AGBL4: variants seen among roughly 807,000 people sequenced by gnomAD.
AGBL4 encodes the protein cytosolic carboxypeptidase 6.
Under a neutral mutation model 66.4 loss-of-function variants are expected in AGBL4, and 58 were observed. That is an observed-to-expected ratio of 0.87 (90% CI 0.71 to 1.09). AGBL4 has a LOEUF of 1.09. Among genes scored for constraint, AGBL4 ranks in the 50% least tolerant of loss-of-function variants. AGBL4 has a pLI of 0.00. For missense variants in AGBL4, 579 were observed against 631.0 expected, an observed-to-expected ratio of 0.92 and a Z score of 0.88; for synonymous variants, 234 against 222.9, an observed-to-expected ratio of 1.05 and a Z score of -0.44.
chr1:48,683,801 T>C (rs565596919), intron 6 of AGBL4, among the ~76,000 whole-genome samples: 3 of 152,278 alleles, frequency 2.0e-5, no homozygotes, highest in African/African-American at 7.2e-5. Flanking sequence ...AGCTCTGTAA[T>C]TACCTACCAG....
At chr1:49,283,761 G>C (rs1644337605) in intron 3 of AGBL4, among the ~76,000 whole-genome samples, 1 of 148,500 alleles carries the variant, frequency 6.7e-6, no homozygotes, top group South Asian at 2.2e-4. Flanking sequence ...CTGGAAGAAA[G>C]GGTATCAGCA....
intron 1 of AGBL4, among the ~76,000 whole-genome samples, chr1:49,874,215 G>C (rs990258942): frequency 1.3e-5 from 2 of 152,104 alleles, no homozygotes; most frequent in Non-Finnish European, 2.9e-5. Context: ...ACTTGAAATT[G>C]ATCATAGACC....
At chr1:49,622,229 CA>C (rs1355137923) in intron 3 of AGBL4, among the ~76,000 whole-genome samples, 1 of 152,166 alleles carries the variant, frequency 6.6e-6, no homozygotes, top group Non-Finnish European at 1.5e-5. Context: ...ATCAAAAAAA[CA>C]TAGGTTTCAG....
At chr1:49,739,732 A>C (rs1428834130) in intron 2 of AGBL4, among the ~76,000 whole-genome samples, 1 of 152,216 alleles carries the variant, frequency 6.6e-6, no homozygotes, top group African/African-American at 2.4e-5. Context: ...GCCAGAAGAG[A>C]GTGGGGGCCA....
At chr1:48,812,958 T>G in intron 6 of AGBL4, among the ~76,000 whole-genome samples, 3 of 148,502 alleles carry the variant, frequency 2.0e-5, no homozygotes, top group Admixed American at 6.7e-5. Flanking sequence ...TGGGGACTGT[T>G]GTGGGGTGGG....
At chr1:48,808,847 G>A (rs150777639) in intron 6 of AGBL4, among the ~76,000 whole-genome samples, 109 of 152,298 alleles carry the variant, frequency 7.2e-4, no homozygotes, top group Admixed American at 1.2e-3. Flanking sequence ...ATAAAGATGA[G>A]GTGAGGACTA....
intron 5 of AGBL4, among the ~76,000 whole-genome samples, chr1:48,989,796 T>C (rs1660468186): frequency 6.6e-6 from 1 of 152,224 alleles, no homozygotes; most frequent in Admixed American, 6.5e-5. Flanking sequence ...CTTAGGTTGC[T>C]TCCAGATCTT....
chr1:49,099,133 T>A (rs982144360), intron 4 of AGBL4, among the ~76,000 whole-genome samples: 1 of 152,122 alleles, frequency 6.6e-6, no homozygotes, highest in Non-Finnish European at 1.5e-5. Context: ...CTGATGCTTC[T>A]CCACTATCCC....
chr1:48,872,326 C>G (rs1648751937), intron 5 of AGBL4, among the ~76,000 whole-genome samples: 1 of 151,988 alleles, frequency 6.6e-6, no homozygotes, highest in Non-Finnish European at 1.5e-5. Flanking sequence ...ATTTTTCATC[C>G]CAGGCTGCAT....
At chr1:48,579,930 A>AG (rs1553190251) in intron 11 of AGBL4, among the ~76,000 whole-genome samples, 70 of 150,516 alleles carry the variant, frequency 4.7e-4, no homozygotes, top group African/African-American at 1.3e-3. Context: ...AAAAAAAAAA[A>AG]AAAAAAAGAA....
intron 4 of AGBL4, among the ~76,000 whole-genome samples, chr1:49,208,344 G>C (rs1648403904): frequency 6.6e-6 from 1 of 151,810 alleles, no homozygotes; most frequent in African/African-American, 2.4e-5. Context: ...TATTCTCCTT[G>C]TAGGTGACCT....
intron 1 of AGBL4, among the ~76,000 whole-genome samples, chr1:49,879,656 G>A (rs912157022): frequency 4.2e-5 from 6 of 144,104 alleles, no homozygotes; most frequent in Middle Eastern, 3.4e-3. Flanking sequence ...TGCTCTTCTC[G>A]AGGAGTATCT....
At chr1:49,169,171 A>G (rs1402419247) in intron 4 of AGBL4, among the ~76,000 whole-genome samples, 2 of 152,212 alleles carry the variant, frequency 1.3e-5, no homozygotes, top group African/African-American at 2.4e-5. Flanking sequence ...TAGCAAAGCC[A>G]TATAAGAGAA....
intron 9 of AGBL4, among the ~76,000 whole-genome samples, chr1:48,628,502 G>C (rs1209680609): frequency 6.6e-6 from 1 of 152,062 alleles, no homozygotes; most frequent in African/African-American, 2.4e-5. Flanking sequence ...GTGGGCCTGA[G>C]ACCTTGATTT....
chr1:49,804,177 C>CA (rs531506649), intron 2 of AGBL4, among the ~76,000 whole-genome samples: 104 of 152,220 alleles, frequency 6.8e-4, no homozygotes, highest in African/African-American at 1.8e-3. Context: ...TCTTCTCTCA[C>CA]AAAAAAACTA....
At chr1:48,973,321 T>C (rs1358145105) in intron 5 of AGBL4, among the ~76,000 whole-genome samples, 1 of 152,188 alleles carries the variant, frequency 6.6e-6, no homozygotes, top group Non-Finnish European at 1.5e-5. Flanking sequence ...ACTGTGTACA[T>C]ATCACATTTT....
intron 6 of AGBL4, among the ~76,000 whole-genome samples, chr1:48,789,505 G>T (rs1383018065): frequency 2.0e-5 from 3 of 151,992 alleles, no homozygotes; most frequent in Admixed American, 6.6e-5. Context: ...TAGCCAGGAT[G>T]GTCTTGATCT....
intron 4 of AGBL4, among the ~76,000 whole-genome samples, chr1:49,192,476 T>A (rs1409498278): frequency 6.6e-6 from 1 of 152,136 alleles, no homozygotes; most frequent in Non-Finnish European, 1.5e-5. Flanking sequence ...ATTTTGTATT[T>A]TTAGTAGAGA....
intron 3 of AGBL4, among the ~76,000 whole-genome samples, chr1:49,551,263 T>C (rs1652929939): frequency 6.6e-6 from 1 of 152,232 alleles, no homozygotes; most frequent in African/African-American, 2.4e-5. Flanking sequence ...CCTGATTAGT[T>C]AAATAACAAA....
Sources: allele counts gnomAD v4.1 joint callset (sites outside exome capture counted in the v4.1 genomes callset), GRCh38; gene constraint gnomAD v4.1.1; transcripts MANE v1.5; gene names NCBI Gene and HGNC (gene_info 2026-07-23, HGNC 2026-07-21).